The following GUCY1B1 variants were observed in gnomAD, a reference collection of about 807,000 sequenced individuals.
GUCY1B1 encodes guanylate cyclase soluble subunit beta-1.
In GUCY1B1, 43 loss-of-function variants were observed where a neutral mutation model predicts 71.0. The ratio of observed to expected loss-of-function variants is 0.61; its 90% CI spans 0.47 to 0.78. The LOEUF (loss-of-function observed/expected upper bound fraction) is 0.78, where lower values mean the gene tolerates loss of function less well. Ranked by LOEUF, GUCY1B1 falls within the 30% of genes least tolerant of loss-of-function variation. GUCY1B1 has a pLI of 0.00. For missense variants in GUCY1B1, 535 were observed against 754.1 expected (o/e 0.71, Z 3.40); for synonymous variants, 266 against 259.7 (o/e 1.02, Z -0.23).
intron 6 of GUCY1B1, among the ~76,000 whole-genome samples, chr4:155,794,503 C>T (rs1246912364): frequency 1.3e-5 from 2 of 152,012 alleles, no homozygotes; most frequent in Non-Finnish European, 2.9e-5. Flanking sequence ...AGAACTAAAA[C>T]ACAAAATGAT....
chr4:155,763,609 C>G (rs1737145491), intron 2 of GUCY1B1, among the ~76,000 whole-genome samples: 1 of 151,856 alleles, frequency 6.6e-6, no homozygotes, highest in South Asian at 2.1e-4. Flanking sequence ...ATTTTCCTGC[C>G]TATAACTCAA....
At chr4:155,786,561 C>T (rs1738799409) in intron 4 of GUCY1B1, among the ~76,000 whole-genome samples, 1 of 150,696 alleles carries the variant, frequency 6.6e-6, no homozygotes, top group Non-Finnish European at 1.5e-5. Flanking sequence ...GCTCCACCTC[C>T]CGGGTTCATG....
chr4:155,798,283 A>T (rs551534229), intron 8 of GUCY1B1, among the ~76,000 whole-genome samples: 1 of 152,182 alleles, frequency 6.6e-6, no homozygotes, highest in Non-Finnish European at 1.5e-5. Flanking sequence ...AAAAAACTTA[A>T]TGGTTCATTA....
Position 155,789,696 on chromosome 4 carries a change from C to A in GUCY1B1, c.298-18C>A. ...GCGAAAGCATTGTTTATTGGTCTCC[C>A]TTTCTTCTTTGCTGCAGAACCTTGA... On this transcript the variant is annotated intron_variant, in intron 4 of 13. Coordinates refer to ENST00000264424, the MANE Select transcript of GUCY1B1 (RefSeq NM_000857.5). The A allele has an allele frequency of 1.3e-6, 2 of 1,494,006 alleles. No individual in the cohort carries two copies. Among genetic ancestry groups the A allele is most frequent in the East Asian group, 2.3e-5 (1 of 44,232 alleles). The allele number at this position is 1,494,006 out of a possible 1,614,324, so 92.5% of individuals were successfully genotyped here. A position where few individuals can be genotyped will look rare whatever the true frequency, so the allele number is the denominator to read the frequency against.
At chr4:155,779,484 C>T (rs1463125002) in intron 4 of GUCY1B1, among the ~76,000 whole-genome samples, 4 of 150,168 alleles carry the variant, frequency 2.7e-5, no homozygotes, top group Admixed American at 2.7e-4. Context: ...ATGTAGTTAA[C>T]ATAGCTTTAA....
chr4:155,799,803 C>T (rs1271751617), intron 8 of GUCY1B1, 74 bp from the exon 9 acceptor site: 2 of 788,708 alleles, frequency 2.5e-6, no homozygotes, highest in Non-Finnish European at 4.2e-6. Context: ...GATCAGATTC[C>T]TTGACAGAAA....
chr4:155,759,090 C>CG lies in GUCY1B1; in HGVS notation c.-49dup. 6.3e-7 allele frequency: 1 copy of CG among 1,577,762 alleles called. No individual in the cohort carries two copies. Among genetic ancestry groups the CG allele is most frequent in the Non-Finnish European group, 8.6e-7 (1 of 1,161,356 alleles). On this transcript the variant is annotated 5_prime_UTR_variant, in exon 1 of 14. Coordinates refer to ENST00000264424, the MANE Select transcript of GUCY1B1 (RefSeq NM_000857.5). ...GCTGCCGCCTCTGCCTGGGTCCCTTCGGCCGTACCTCTGCGTGGGGGCTGC... is the reference window on the plus strand; with the variant it reads ...GCTGCCGCCTCTGCCTGGGTCCCTTCGGGCCGTACCTCTGCGTGGGGGCTGC...
chr4:155,766,469 A>T (rs1472660455), intron 2 of GUCY1B1, among the ~76,000 whole-genome samples: 1 of 152,188 alleles, frequency 6.6e-6, no homozygotes, highest in African/African-American at 2.4e-5. Context: ...CTCCCCTCTT[A>T]ACAAATTTCA....
chr4:155,761,415 G>A (rs1736992091), intron 2 of GUCY1B1, among the ~76,000 whole-genome samples: 2 of 151,980 alleles, frequency 1.3e-5, no homozygotes, highest in African/African-American at 4.8e-5. Context: ...AAATTTGCTG[G>A]TAGATATGCT....
At position 155,771,798 on chromosome 4, in the gene GUCY1B1, T is replaced by A. The variant is rs1002677000; in HGVS notation, c.78-3170T>A. Among the ~76,000 whole-genome samples, 9 of 152,318 alleles carry A rather than the reference T, an allele frequency of 5.9e-5. 1 individual carries two copies. In the South Asian group the frequency reaches 1.0e-3, roughly 18 times the overall value. ...GAAAAAATAAAAACATCTAACTACCTACCAAGACTTCAATATGTCTACAAT... is the reference window on the plus strand; with the variant it reads ...GAAAAAATAAAAACATCTAACTACCAACCAAGACTTCAATATGTCTACAAT... On this transcript the variant is annotated intron_variant, in intron 2 of 13. Transcript: ENST00000264424.
intron 9 of GUCY1B1, among the ~76,000 whole-genome samples, chr4:155,801,943 T>G (rs1201059884): frequency 1.3e-5 from 2 of 152,206 alleles, no homozygotes; most frequent in East Asian, 1.9e-4. Flanking sequence ...TTTCCATTAT[T>G]GTGCTATTCA....
chr4:155,784,650 A>G (rs936794790), intron 4 of GUCY1B1, among the ~76,000 whole-genome samples: 1 of 152,158 alleles, frequency 6.6e-6, no homozygotes, highest in Non-Finnish European at 1.5e-5. Flanking sequence ...CTGCAGTAAT[A>G]TTCTCAACAC....
intron 2 of GUCY1B1, among the ~76,000 whole-genome samples, chr4:155,768,164 CA>C (rs946422480): frequency 6.6e-6 from 1 of 152,086 alleles, no homozygotes; most frequent in African/African-American, 2.4e-5. Flanking sequence ...TCTCCCATTT[CA>C]AAATACTCCA....
Position 155,804,715 on chromosome 4 carries a change from G to T in GUCY1B1, c.1677G>T (p.Lys559Asn), listed in dbSNP as rs1432155945. The T allele has an allele frequency of 1.9e-6, 3 of 1,613,212 alleles. No homozygotes were observed. The highest frequency in any genetic ancestry group is 2.2e-5 in the South Asian group (2 of 91,048). Residue 559 changes from lysine (K) to asparagine (N), a missense_variant, in exon 12 of 14, where the codon AAG (lysine) becomes AAT (asparagine). Transcript: ENST00000264424. ...GCCGAACAGAAACCACAGGAGAAAA[G>T]GGAAAAATAAATGTGTCTGAATATA... ...LTSRTETTGE[K>N]GKINVSEYTY...
chr4:155,778,714 G>A (rs899354096), intron 4 of GUCY1B1, among the ~76,000 whole-genome samples: 2 of 152,184 alleles, frequency 1.3e-5, no homozygotes, highest in African/African-American at 4.8e-5. Context: ...TCCAAATGAA[G>A]TAGCTGCCAA....
intron 2 of GUCY1B1, among the ~76,000 whole-genome samples, chr4:155,766,984 C>T (rs1474292988): frequency 6.6e-6 from 1 of 152,110 alleles, no homozygotes; most frequent in Non-Finnish European, 1.5e-5. Flanking sequence ...CTCATCACCA[C>T]CACAGAAAAT....
chr4:155,791,459 A>C (rs1341886756), intron 5 of GUCY1B1, among the ~76,000 whole-genome samples: 3 of 142,868 alleles, frequency 2.1e-5, no homozygotes, highest in African/African-American at 7.6e-5. Flanking sequence ...GCCTGGGCGC[A>C]GTGGCTCACG....
intron 4 of GUCY1B1, among the ~76,000 whole-genome samples, chr4:155,788,280 C>G (rs1308799015): frequency 2.0e-5 from 3 of 152,166 alleles, no homozygotes; most frequent in Admixed American, 2.0e-4. Context: ...GGCTGAGGAC[C>G]CAGTTTCCTT....
chr4:155,788,372 G>A (rs79819758), intron 4 of GUCY1B1, among the ~76,000 whole-genome samples: 2 of 152,142 alleles, frequency 1.3e-5, no homozygotes, highest in Non-Finnish European at 2.9e-5. Context: ...AGAACCAGTC[G>A]CATGGTGTTG....
Sources: gnomAD v4.1 joint callset for allele counts (sites outside exome capture counted in the v4.1 genomes callset) on GRCh38, gnomAD v4.1.1 for gene constraint, MANE v1.5 for transcripts, NCBI Gene and HGNC (gene_info 2026-07-23, HGNC 2026-07-21) for gene names.